Variants in TAF3 observed in about 807,000 individuals in gnomAD.
TAF3 encodes transcription initiation factor TFIID subunit 3.
In TAF3, 7 loss-of-function variants were observed where a neutral mutation model predicts 80.6. That is an observed-to-expected ratio of 0.09 (90% confidence interval 0.05 to 0.16). The LOEUF (loss-of-function observed/expected upper bound fraction) is 0.16. Ranked by LOEUF, TAF3 falls within the 10% of genes least tolerant of loss-of-function variation. The pLI is 1.00. For synonymous variants in TAF3, 444 were observed against 446.1 expected (o/e 1.00, Z 0.06); for missense variants, 921 against 1,140.2 (o/e 0.81, Z 2.77).
intron 2 of TAF3, among the ~76,000 whole-genome samples, chr10:7,884,731 A>G (rs969188054): frequency 3.3e-5 from 5 of 152,192 alleles, no homozygotes; most frequent in Admixed American, 2.6e-4. Context: ...CCAGGGCACT[A>G]GGACTGGTCA....
intron 2 of TAF3, among the ~76,000 whole-genome samples, chr10:7,906,489 CGGA>C (rs1026889153): frequency 2.6e-5 from 4 of 152,142 alleles, no homozygotes; most frequent in East Asian, 3.9e-4. Flanking sequence ...TCTCTTCTTT[CGGA>C]GGAGAAAAGC....
Position 7,964,722 on chromosome 10 carries a change from A to G in TAF3, c.1212A>G (p.Pro404=). ...VIARACAERE[P]DPFEFSSGSE... ...CACGAGCCTGTGCTGAGCGAGAGCC[A>G]GATCCTTTCGAATTTTCTTCTGGAT... Residue 404 remains proline (P), a synonymous_variant, in exon 3 of 7, where the codon CCA becomes CCG. Coordinates refer to ENST00000344293, the MANE Select transcript of TAF3 (RefSeq NM_031923.4). This position sits in a 1 kb window ranked among gnomAD's most constrained non-coding sequence, Gnocchi z 4.1. The G allele has an allele frequency of 1.2e-6, 2 of 1,614,218 alleles. No homozygotes were observed.
In TAF3 at chr10:7,969,830, G is replaced by C. The variant is rs174498; in HGVS notation, c.2232+4088G>C. Among the ~76,000 whole-genome samples, 1,118 of 152,284 alleles carry C rather than the reference G, an allele frequency of 7.3e-3. 14 individuals carry two copies. The highest frequency in any genetic ancestry group is 0.026 in the African/African-American group (1,062 of 41,562). ...GGCTTTGGCAGCCACACTGACCGGG[G>C]TGGAAATTCCAGCTCTGCCACTTAC... On this transcript the variant is annotated intron_variant, in intron 3 of 6. Transcript: ENST00000344293.
At chr10:7,943,949 T>G (rs1837999431) in intron 2 of TAF3, among the ~76,000 whole-genome samples, 1 of 152,172 alleles carries the variant, frequency 6.6e-6, no homozygotes, top group Admixed American at 6.5e-5. Context: ...CTCATTATAA[T>G]AGGGTTCTTT....
At chr10:7,913,020 C>T (rs1269804460) in intron 2 of TAF3, among the ~76,000 whole-genome samples, 1 of 152,158 alleles carries the variant, frequency 6.6e-6, no homozygotes, top group East Asian at 1.9e-4. Context: ...GGTTTGGTTT[C>T]CCCTGAGACC....
intron 2 of TAF3, among the ~76,000 whole-genome samples, chr10:7,872,213 A>ATTTTTTTTTTTTTTTTTTTTTTTTTT (rs34945620): frequency 8.2e-6 from 1 of 121,972 alleles, no homozygotes; most frequent in African/African-American, 3.1e-5. Context: ...TGTTGGGTTG[A>ATTTTTTTTTTTTTTTTTTTTTTTTTT]TTTTTTTTTT....
chr10:7,897,465 T>TC (rs1241144850), intron 2 of TAF3, among the ~76,000 whole-genome samples: 1 of 152,202 alleles, frequency 6.6e-6, no homozygotes, highest in African/African-American at 2.4e-5. Context: ...AAATTTAGAT[T>TC]CTTCTCTTTA....
intron 2 of TAF3, among the ~76,000 whole-genome samples, chr10:7,829,029 CAAAAAAAAAAAAA>C (rs59969868): frequency 6.6e-4 from 44 of 66,842 alleles, no homozygotes; most frequent in Admixed American, 2.4e-3. Flanking sequence ...GACTCCGTCT[CAAAAAAAAAAAAA>C]AAAAAAAAAA....
At chr10:7,890,959 C>A (rs2131163005) in intron 2 of TAF3, among the ~76,000 whole-genome samples, 1 of 152,308 alleles carries the variant, frequency 6.6e-6, no homozygotes, top group South Asian at 2.1e-4. Flanking sequence ...AGTTTGAGAA[C>A]AGCGTAACTG....
At chr10:7,969,991 C>A (rs1426583311) in intron 3 of TAF3, among the ~76,000 whole-genome samples, 6 of 152,246 alleles carry the variant, frequency 3.9e-5, no homozygotes, top group Non-Finnish European at 8.8e-5. Flanking sequence ...TAGTTTCATA[C>A]CTTCTCGAAG....
chr10:7,936,856 C>T (rs147023924), intron 2 of TAF3, among the ~76,000 whole-genome samples: 6 of 152,192 alleles, frequency 3.9e-5, no homozygotes, highest in South Asian at 4.1e-4. Flanking sequence ...TCCCTGTACC[C>T]GCTGGCATCC....
At chr10:7,966,569 A>G (rs1431029865) in intron 3 of TAF3, among the ~76,000 whole-genome samples, 1 of 152,156 alleles carries the variant, frequency 6.6e-6, no homozygotes, top group East Asian at 1.9e-4. Flanking sequence ...AAAATTTCTC[A>G]TAAACTTTCC....
chr10:7,926,988 C>T (rs12263680), intron 2 of TAF3, among the ~76,000 whole-genome samples: 1,872 of 152,154 alleles, frequency 0.012, 47 homozygotes, highest in African/African-American at 0.043. Flanking sequence ...TGAAAGTGGC[C>T]TACCATGGAA....
rs148936781 is a variant in TAF3, at chr10:7,827,649, G to A, written c.409+3089G>A. The stretch of plus-strand genomic sequence containing the variant: ...ACAAATATTAGCTGGGCGTGGTGGC[G>A]GGTGCCTGTAGTCCCAGCTACTCGG... On this transcript the variant is annotated intron_variant, in intron 2 of 6. Transcript: ENST00000344293. 6.0e-3 allele frequency among the ~76,000 whole-genome samples: 917 copies of A among 152,086 alleles called. 6 individuals are homozygous for A. Among genetic ancestry groups the A allele is most frequent in the Middle Eastern group, 0.034 (10 of 294 alleles).
intron 2 of TAF3, among the ~76,000 whole-genome samples, chr10:7,905,300 T>A (rs1435605855): frequency 1.3e-5 from 2 of 152,170 alleles, no homozygotes; most frequent in Non-Finnish European, 2.9e-5. Flanking sequence ...TAGCAAAGTT[T>A]AGAGAAGCAC....
chr10:7,840,004 A>C (rs987966998), intron 2 of TAF3, among the ~76,000 whole-genome samples: 2 of 152,234 alleles, frequency 1.3e-5, no homozygotes, highest in African/African-American at 2.4e-5. Context: ...CCTTTAATTT[A>C]TCTGGATTTA....
At chr10:7,874,869 A>G (rs1837300046) in intron 2 of TAF3, among the ~76,000 whole-genome samples, 1 of 152,128 alleles carries the variant, frequency 6.6e-6, no homozygotes, top group Non-Finnish European at 1.5e-5. Flanking sequence ...TAAAGAAATT[A>G]TGTATTGAGC....
At chr10:7,905,985 T>C (rs1397567448) in intron 2 of TAF3, among the ~76,000 whole-genome samples, 1 of 152,240 alleles carries the variant, frequency 6.6e-6, no homozygotes, top group African/African-American at 2.4e-5. Context: ...CAAAAGTTTG[T>C]TGGCAACTGC....
chr10:7,911,121 C>T (rs1588548783), intron 2 of TAF3, among the ~76,000 whole-genome samples: 2 of 152,090 alleles, frequency 1.3e-5, no homozygotes, highest in East Asian at 3.8e-4. Context: ...TGTAGTCTTG[C>T]TATCTAGATC....
Sources: gnomAD v4.1 joint callset for allele counts (sites outside exome capture counted in the v4.1 genomes callset) on GRCh38, gnomAD v4.1.1 for gene constraint, Gnocchi (gnomAD v3.1) non-coding constraint, MANE v1.5 for transcripts, NCBI Gene and HGNC (gene_info 2026-07-23, HGNC 2026-07-21) for gene names.